The following ZNF723 variants were observed in gnomAD, a reference collection of about 807,000 sequenced individuals.
ZNF723 encodes zinc finger protein 723, also known as zinc finger protein 723, pseudogene.
A neutral mutation model predicts 9.4 loss-of-function variants in ZNF723; 5 were observed. The ratio of observed to expected loss-of-function variants is 0.53; its 90% CI spans 0.28 to 1.12. ZNF723 has a LOEUF of 1.12. Ranked by LOEUF, ZNF723 falls within the 50% of genes most tolerant of loss-of-function variation. The pLI is 0.10. For synonymous variants in ZNF723, 158 were observed against 168.8 expected (o/e 0.94, Z 0.49); for missense variants, 450 against 501.5 (o/e 0.90, Z 0.98).
intron 1 of ZNF723, among the ~76,000 whole-genome samples, chr19:22,846,484 A>C (rs966165179): frequency 1.3e-5 from 2 of 152,088 alleles, no homozygotes; most frequent in African/African-American, 4.8e-5. Flanking sequence ...TTAGCCAGGC[A>C]TGGTGGCGCA....
chr19:22,853,195 A>G (rs1967421995), intron 3 of ZNF723, among the ~76,000 whole-genome samples: 1 of 152,020 alleles, frequency 6.6e-6, no homozygotes, highest in Non-Finnish European at 1.5e-5. Flanking sequence ...TTTTATATTC[A>G]TAGTAAATTG....
chr19:22,848,449 A>G, intron 2 of ZNF723, 62 bp downstream of exon 2: 3 of 1,224,328 alleles, frequency 2.5e-6, no homozygotes, highest in Non-Finnish European at 3.5e-6. Context: ...TTGGTGTTGT[A>G]GAATGTTTTT....
chr19:22,812,996 C>T, the ZNF723 span, among the ~76,000 whole-genome samples: 47 of 151,668 alleles, frequency 3.1e-4, no homozygotes, highest in East Asian at 6.6e-3. Flanking sequence ...GTTTTTGTGA[C>T]AGAGTCTCAC....
chr19:22,816,279 G>C, the ZNF723 span, among the ~76,000 whole-genome samples: 1 of 152,166 alleles, frequency 6.6e-6, no homozygotes, highest in Non-Finnish European at 1.5e-5. Flanking sequence ...ACAGGCCACT[G>C]TTTAGGTTCT....
the ZNF723 span, among the ~76,000 whole-genome samples, chr19:22,824,277 C>T: frequency 6.6e-6 from 1 of 151,956 alleles, no homozygotes; most frequent in African/African-American, 2.4e-5. Flanking sequence ...TGCTTGGGAC[C>T]TGCAACATGA....
Position 22,858,040 on chromosome 19 carries a change from C to A in ZNF723, c.1149C>A (p.His383Gln). 6.6e-7 allele frequency: 1 copy of A among 1,524,608 alleles called. No homozygotes were observed. The highest frequency in any genetic ancestry group is 1.1e-5 in the South Asian group (1 of 89,186). The allele number at this position is 1,524,608 out of a possible 1,614,324, so 94.4% of individuals were successfully genotyped here. ...GCAAAGCTTTTAAAGTATCTGTACACCTTACTACACATAAGAGAATTCATA... is the reference window on the plus strand; with the variant it reads ...GCAAAGCTTTTAAAGTATCTGTACAACTTACTACACATAAGAGAATTCATA... The part of the protein sequence containing the change: ...ECGKAFKVSV[H>Q]LTTHKRIHTG... Residue 383 changes from histidine to glutamine, a missense_variant, in exon 4 of 4, where the codon CAC (histidine) becomes CAA (glutamine). Around this residue, in one of 5 missense-constraint regions of ZNF723, gnomAD observed 237 missense variants for 332.2 expected, o/e 0.71. Transcript: ENST00000600766.
intron 1 of ZNF723, among the ~76,000 whole-genome samples, chr19:22,845,213 G>C (rs1334420413): frequency 1.3e-5 from 2 of 152,154 alleles, no homozygotes. Context: ...TTATAAGCTC[G>C]TTAAAGCTTG....
At chr19:22,812,370 A>T in the ZNF723 span, among the ~76,000 whole-genome samples, 1 of 152,324 alleles carries the variant, frequency 6.6e-6, no homozygotes, top group South Asian at 2.1e-4. Flanking sequence ...TCACACGTGA[A>T]TGCAGTCTAC....
chr19:22,858,377 C>T lies in ZNF723; in HGVS notation c.1486C>T (p.Leu496Phe). The change falls in exon 4 of 4, where the codon CTT (leucine) becomes TTT (phenylalanine). Residue 496 changes from leucine (L) to phenylalanine (F), a missense_variant. By Grantham distance (22) the Leu-to-Phe change is conservative. Coordinates refer to ENST00000600766, the MANE Select transcript of ZNF723 (RefSeq NM_001349726.2). ...CAAAGCCTTTAACAAGTCCTCAATTCTTAACAGACATAAGATAATTCATAC... is the reference window on the plus strand; with the variant it reads ...CAAAGCCTTTAACAAGTCCTCAATTTTTAACAGACATAAGATAATTCATAC... ...CGKAFNKSSI[L>F]NRHKIIHTKE... The T allele has an allele frequency of 2.3e-6, 2 of 855,748 alleles. No individual in the cohort carries two copies. Among genetic ancestry groups the T allele is most frequent in the Non-Finnish European group, 3.8e-6 (2 of 521,812 alleles). 53.0% of individuals were successfully genotyped at this position (855,748 alleles called of 1,614,324 possible).
chr19:22,831,321 C>T (rs1012307049), upstream of ZNF723, among the ~76,000 whole-genome samples: 3 of 152,160 alleles, frequency 2.0e-5, no homozygotes, highest in East Asian at 5.9e-4. Flanking sequence ...TTTTGGGAGG[C>T]CGAGGCGGGC....
intron 3 of ZNF723, among the ~76,000 whole-genome samples, chr19:22,852,476 T>C (rs1320449814): frequency 6.6e-6 from 1 of 152,178 alleles, no homozygotes; most frequent in Non-Finnish European, 1.5e-5. Flanking sequence ...CTATCTTTTA[T>C]GACTGTATAT....
At chr19:22,833,521 CCTAA>C (rs1265309630) in intron 1 of ZNF723, among the ~76,000 whole-genome samples, 12 of 152,134 alleles carry the variant, frequency 7.9e-5, no homozygotes, top group African/African-American at 2.9e-4. Context: ...TTTACTCTAG[CCTAA>C]CTGTGGCTTA....
At chr19:22,826,430 C>T in the ZNF723 span, among the ~76,000 whole-genome samples, 2 of 152,108 alleles carry the variant, frequency 1.3e-5, no homozygotes, top group Non-Finnish European at 2.9e-5. Context: ...GTATGAATAT[C>T]AAAAAGGATT....
rs1400948615 is a variant in ZNF723 at position 22,857,768 on chromosome 19, G to C, written c.877G>C (p.Ala293Pro). 2.3e-6 allele frequency: 3 copies of C among 1,303,652 alleles called. No individual in the cohort carries two copies. The highest frequency in any genetic ancestry group is 3.3e-6 in the Non-Finnish European group (3 of 898,328). The allele number at this position is 1,303,652 out of a possible 1,614,324, so 80.8% of individuals were successfully genotyped here. The stretch of plus-strand genomic sequence containing the variant: ...CTACAAATGTAAAGAATGTGGCAAA[G>C]CCTTTAATGTGTTCTCAAGCCTTAA... ...KPYKCKECGKAFNVFSSLNNH... is the reference protein window; with the variant it reads ...KPYKCKECGKPFNVFSSLNNH... The change falls in exon 4 of 4, where the codon GCC becomes CCC. Residue 293 changes from alanine (A) to proline (P), a missense_variant. Physicochemically the swap from Ala to Pro is conservative, Grantham distance 27. This residue lies in a region of ZNF723 where 237 missense variants were observed against 332.2 expected (regional missense o/e 0.71). Coordinates refer to ENST00000600766, the MANE Select transcript of ZNF723 (RefSeq NM_001349726.2).
intron 3 of ZNF723, among the ~76,000 whole-genome samples, chr19:22,856,806 C>A (rs1303102568): frequency 6.6e-6 from 1 of 152,190 alleles, no homozygotes; most frequent in Non-Finnish European, 1.5e-5. Context: ...CAGGAGCTTA[C>A]AATTTACTTG....
the ZNF723 span, among the ~76,000 whole-genome samples, chr19:22,814,738 C>A: frequency 6.6e-6 from 1 of 152,164 alleles, no homozygotes; most frequent in East Asian, 1.9e-4. Flanking sequence ...CTCTTCCCAG[C>A]ACCTGAGTGA....
chr19:22,856,218 C>T (rs548084909), intron 3 of ZNF723, among the ~76,000 whole-genome samples: 10 of 152,160 alleles, frequency 6.6e-5, no homozygotes, highest in Non-Finnish European at 1.0e-4. Context: ...CTCGGCCTCC[C>T]GAAGTGCTGG....
At chr19:22,835,789 T>TCACAA (rs749714805) in intron 1 of ZNF723, among the ~76,000 whole-genome samples, 13 of 152,254 alleles carry the variant, frequency 8.5e-5, no homozygotes, top group Non-Finnish European at 1.8e-4. Flanking sequence ...TGAATATTTT[T>TCACAA]GTTCTATAGC....
chr19:22,818,817 C>T, the ZNF723 span, among the ~76,000 whole-genome samples: 1 of 152,164 alleles, frequency 6.6e-6, no homozygotes, highest in South Asian at 2.1e-4. Context: ...ATCACTGAAC[C>T]CAGCACCCAG....
Sources: gnomAD v4.1 joint callset for allele counts (sites outside exome capture counted in the v4.1 genomes callset) on GRCh38, gnomAD v4.1.1 for gene constraint, gnomAD v4.1.1 regional missense constraint, MANE v1.5 for transcripts, NCBI Gene and HGNC (gene_info 2026-07-23, HGNC 2026-07-21) for gene names.